The following SLC26A6 variants were observed in gnomAD, a reference collection of about 807,000 sequenced individuals.
SLC26A6 encodes anion exchange transporter.
Under a neutral mutation model 87.1 loss-of-function variants are expected in SLC26A6, and 67 were observed. The ratio of observed to expected loss-of-function variants is 0.77; its 90% CI spans 0.63 to 0.94. SLC26A6 has a LOEUF of 0.94. SLC26A6 is among the 40% of genes least tolerant of loss of function. The pLI is 0.00. For synonymous variants in SLC26A6, 414 were observed against 405.9 expected, an observed-to-expected ratio of 1.02 and a Z score of -0.24; for missense variants, 902 against 973.0, an observed-to-expected ratio of 0.93 and a Z score of 0.97.
chr3:48,628,727 C>T lies in SLC26A6; in HGVS notation c.1600-13G>A. The T allele has an allele frequency of 6.2e-7, 1 of 1,612,002 alleles. No homozygotes were observed. The highest frequency in any genetic ancestry group is 8.5e-7 in the Non-Finnish European group (1 of 1,179,180). ...GGACTTCCTTGGCCTGGGGATGAGG[C>T]AGAACTGGTGGTGGCTGAATCTCCT... On this transcript the variant is annotated splice_polypyrimidine_tract_variant and intron_variant, in intron 14 of 20. Coordinates refer to ENST00000395550, the MANE Select transcript of SLC26A6 (RefSeq NM_022911.3). This position sits in a 1 kb window ranked among gnomAD's most constrained non-coding sequence, Gnocchi z 4.4.
chr3:48,627,760 C>A, intron 17 of SLC26A6, 186 bp downstream of exon 17: 1 of 520,414 alleles, frequency 1.9e-6, no homozygotes, highest in East Asian at 3.5e-5. Flanking sequence ...GAATCTAAGC[C>A]TAGATTCTGT....
At chr3:48,631,570 A>G in intron 7 of SLC26A6, 79 bp downstream of exon 7, 2 of 1,547,872 alleles carry the variant, frequency 1.3e-6, no homozygotes, top group Non-Finnish European at 1.7e-6. Context: ...TGGCCCTCAA[A>G]TACAGGAGGC....
At chr3:48,626,501 C>G in intron 19 of SLC26A6, 130 bp downstream of exon 19, 2 of 1,543,270 alleles carry the variant, frequency 1.3e-6, no homozygotes, top group Non-Finnish European at 1.8e-6. Context: ...CCCTGGACTC[C>G]TGTCTCCCAG....
intron 12 of SLC26A6, 21 bp from the exon 13 acceptor site, chr3:48,629,999 T>C: frequency 1.2e-6 from 2 of 1,613,890 alleles, no homozygotes; most frequent in Non-Finnish European, 1.7e-6. Context: ...AGGGCAGCGG[T>C]TGGAGGGCGG....
At position 48,634,671 on chromosome 3, in the gene SLC26A6, T is replaced by C. The variant is rs2046904041; in HGVS notation, c.23+700A>G. The C allele has an allele frequency of 4.1e-6, 4 of 966,226 alleles. No homozygotes were observed. In the South Asian group the frequency reaches 1.9e-4, roughly 46 times the overall value. 59.9% of individuals were successfully genotyped at this position (966,226 alleles called of 1,614,324 possible). On this transcript the variant is annotated intron_variant, in intron 1 of 20. Coordinates refer to ENST00000395550, the MANE Select transcript of SLC26A6 (RefSeq NM_022911.3). ...GGAAGCTTTCACCAGTCAGGAAAGT[T>C]CTGATCTAGGAAAAGCCCTGACCTG...
chr3:48,627,158 C>T, intron 17 of SLC26A6, 103 bp from the exon 18 acceptor site: 2 of 1,363,168 alleles, frequency 1.5e-6, no homozygotes, highest in Non-Finnish European at 1.0e-6. Flanking sequence ...GGGGAGCATG[C>T]ATGGGACACA....
chr3:48,626,800 G>A (rs1312289690), intron 18 of SLC26A6, 76 bp downstream of exon 18: 9 of 1,605,778 alleles, frequency 5.6e-6, no homozygotes, highest in Non-Finnish European at 7.7e-6. Flanking sequence ...GGGAGTCAGA[G>A]GCTGGGAGTG....
chr3:48,626,417 C>T, intron 19 of SLC26A6, 63 bp from the exon 20 acceptor site: 1 of 1,608,984 alleles, frequency 6.2e-7, no homozygotes, highest in Non-Finnish European at 8.5e-7. Flanking sequence ...CTCCCGGGAG[C>T]CAACAGAATG....
In SLC26A6 at chr3:48,630,159, T is replaced by G; in HGVS notation, c.1327-2A>C. 6.2e-7 allele frequency: 1 copy of G among 1,606,566 alleles called. No homozygotes were observed. The highest frequency in any genetic ancestry group is 8.5e-7 in the Non-Finnish European group (1 of 1,174,506). On this transcript the variant is annotated splice_acceptor_variant, in intron 11 of 20. Transcript: ENST00000395550. LOFTEE classifies it high-confidence loss of function. ...AATGATGATGGCTGCCAGGACCGCCTGGGGTGGGGACAGTGCCACCAGGGG... is the reference window on the plus strand; with the variant it reads ...AATGATGATGGCTGCCAGGACCGCCGGGGGTGGGGACAGTGCCACCAGGGG...
At chr3:48,631,507 C>A in intron 7 of SLC26A6, 142 bp downstream of exon 7, 1 of 1,188,642 alleles carries the variant, frequency 8.4e-7, no homozygotes, top group Non-Finnish European at 1.2e-6. Context: ...AACATAGGGG[C>A]TTTCTGCTGT....
At chr3:48,629,299 A>AC (rs2046713837) in intron 14 of SLC26A6, among the ~76,000 whole-genome samples, 1 of 152,072 alleles carries the variant, frequency 6.6e-6, no homozygotes, top group Admixed American at 6.6e-5. Flanking sequence ...GGACTTAGTA[A>AC]CCCCACTGAT....
Position 48,632,264 on chromosome 3 carries a change from A to T in SLC26A6, c.566T>A (p.Val189Asp). The change falls in exon 5 of 21, where the codon GTC becomes GAC. Residue 189 changes from valine to aspartate, a missense_variant. Transcript: ENST00000395550. ...ARVQVASTLS[V>D]LVGLFQVGLG... ...CCACACCTGGAAGAGGCCAACCAGG[A>T]CACTGAGTGTGGAGGCCACCTGTAC... The T allele has an allele frequency of 6.2e-7, 1 of 1,608,098 alleles. No individual in the cohort carries two copies. The highest frequency in any genetic ancestry group is 1.3e-5 in the African/African-American group (1 of 74,934).
At chr3:48,634,780 G>A in intron 1 of SLC26A6, 1 of 984,680 alleles carries the variant, frequency 1.0e-6, no homozygotes, top group Non-Finnish European at 1.2e-6. Context: ...TGTGGAGTGG[G>A]TGCAAGGAAG....
rs1022860322 is a variant in SLC26A6, at chr3:48,630,525, G to T, written c.1249-10C>A. 1.3e-6 allele frequency: 2 copies of T among 1,559,390 alleles called. No homozygotes were observed. The highest frequency in any genetic ancestry group is 2.4e-5 in the East Asian group (1 of 41,410). ...AGATGGCTCCAGCAACCTGTTCGGG[G>T]AGGGAGTGAGCAGGGGAGAGACCTC... On this transcript the variant is annotated splice_polypyrimidine_tract_variant and intron_variant, in intron 10 of 20. Transcript: ENST00000395550.
At chr3:48,634,854 G>A (rs1290549603) in intron 1 of SLC26A6, 2 of 662,924 alleles carry the variant, frequency 3.0e-6, no homozygotes, top group African/African-American at 3.9e-5. Flanking sequence ...CCTTTCCTAC[G>A]TGAGTCACTC....
chr3:48,632,285 T>C lies in SLC26A6; in HGVS notation c.545A>G (p.Gln182Arg), dbSNP rs1355807725. The change falls in exon 5 of 21, where the codon CAG (glutamine) becomes CGG (arginine). Residue 182 changes from glutamine (Q) to arginine (R), a missense_variant. Around this residue, in one of 3 missense-constraint regions of SLC26A6, gnomAD observed 800 missense variants for 856.8 expected, o/e 0.93. Coordinates refer to ENST00000395550, the MANE Select transcript of SLC26A6 (RefSeq NM_022911.3). The stretch of plus-strand genomic sequence containing the variant: ...CAGGACACTGAGTGTGGAGGCCACC[T>C]GTACCCGGGCAGCATCTCTGGCTGT... Reference protein sequence around the residue: ...NETARDAARVQVASTLSVLVG... With the variant: ...NETARDAARVRVASTLSVLVG... 6.2e-7 allele frequency: 1 copy of C among 1,612,310 alleles called. No homozygotes were observed. The highest frequency in any genetic ancestry group is 8.5e-7 in the Non-Finnish European group (1 of 1,179,314).
At chr3:48,633,196 T>G (rs949618642) in intron 3 of SLC26A6, 55 bp downstream of exon 3, 4 of 1,595,852 alleles carry the variant, frequency 2.5e-6, no homozygotes, top group African/African-American at 1.3e-5. Flanking sequence ...ATGGCCCCAG[T>G]TTTGGGCATC....
chr3:48,626,421 C>A, intron 19 of SLC26A6, 67 bp from the exon 20 acceptor site: 1 of 1,608,164 alleles, frequency 6.2e-7, no homozygotes, highest in East Asian at 2.2e-5. Context: ...CGGGAGCCAA[C>A]AGAATGCCCT....
rs144379386 is a variant in SLC26A6, at chr3:48,626,764, T to G, written c.2074-79A>C. 7.5e-6 allele frequency: 12 copies of G among 1,607,438 alleles called. 1 individual carries two copies. Among genetic ancestry groups the G allele is most frequent in the Middle Eastern group, 3.3e-4 (2 of 6,024 alleles). On this transcript the variant is annotated intron_variant, in intron 18 of 20. Coordinates refer to ENST00000395550, the MANE Select transcript of SLC26A6 (RefSeq NM_022911.3). ...GGCTCGGGCAGGCTTGGGGAGGGAGTTTAGAAGGGGAGCTTTGAGGGTTTG... is the reference window on the plus strand; with the variant it reads ...GGCTCGGGCAGGCTTGGGGAGGGAGGTTAGAAGGGGAGCTTTGAGGGTTTG...
Sources: allele counts gnomAD v4.1 joint callset (sites outside exome capture counted in the v4.1 genomes callset), GRCh38; gene constraint gnomAD v4.1.1; regional missense constraint gnomAD v4.1.1; non-coding constraint Gnocchi (gnomAD v3.1); transcripts MANE v1.5; gene names NCBI Gene and HGNC (gene_info 2026-07-23, HGNC 2026-07-21).